TENM3: variants seen among roughly 807,000 people sequenced by gnomAD.
TENM3 encodes teneurin transmembrane protein 3, also known as teneurin-3.
A neutral mutation model predicts 255.1 loss-of-function variants in TENM3; 63 were observed. That is an observed-to-expected ratio of 0.25 (90% CI 0.20 to 0.30). The LOEUF (loss-of-function observed/expected upper bound fraction) is 0.30. Among genes scored for constraint, TENM3 ranks in the 10% least tolerant of loss-of-function variants. TENM3 has a pLI of 1.00. For missense variants in TENM3, 2,929 were observed against 3,461.1 expected (o/e 0.85, Z 3.86); for synonymous variants, 1,306 against 1,322.3 (o/e 0.99, Z 0.27).
chr4:181,849,859 C>T, the TENM3 span, among the ~76,000 whole-genome samples: 1 of 151,728 alleles, frequency 6.6e-6, no homozygotes, highest in South Asian at 2.1e-4. Flanking sequence ...AAGAGGAAGG[C>T]GGATTAGCTA....
the TENM3 span, among the ~76,000 whole-genome samples, chr4:182,046,101 G>A: frequency 6.6e-6 from 1 of 151,990 alleles, no homozygotes; most frequent in African/African-American, 2.4e-5. Context: ...ATTTCCTAGG[G>A]TATTATACAG....
intron 1 of TENM3, among the ~76,000 whole-genome samples, chr4:182,174,231 A>G (rs960118025): frequency 1.3e-5 from 2 of 152,066 alleles, no homozygotes; most frequent in African/African-American, 4.8e-5. Context: ...TCTAAGAGTA[A>G]GAATTATTTC....
chr4:182,576,727 T>C (rs1744956641), intron 3 of TENM3, among the ~76,000 whole-genome samples: 1 of 152,130 alleles, frequency 6.6e-6, no homozygotes, highest in Non-Finnish European at 1.5e-5. Flanking sequence ...TACAATACTA[T>C]AAATCTCTAC....
At chr4:182,501,216 C>T (rs1736282456) in intron 3 of TENM3, among the ~76,000 whole-genome samples, 1 of 152,082 alleles carries the variant, frequency 6.6e-6, no homozygotes, top group African/African-American at 2.4e-5. Flanking sequence ...ACAGCGGCAC[C>T]TTCTGTGTTC....
At chr4:181,468,120 A>C in the TENM3 span, among the ~76,000 whole-genome samples, 2 of 98,746 alleles carry the variant, frequency 2.0e-5, no homozygotes. Flanking sequence ...TCACAGGGAG[A>C]CCCCATCTGT....
chr4:182,641,606 C>A (rs918849966), intron 5 of TENM3, among the ~76,000 whole-genome samples: 4 of 151,728 alleles, frequency 2.6e-5, no homozygotes, highest in African/African-American at 9.7e-5. Context: ...CAGCTCACTG[C>A]AACCTCCACC....
chr4:181,483,297 T>C, the TENM3 span, among the ~76,000 whole-genome samples: 1 of 152,266 alleles, frequency 6.6e-6, no homozygotes, highest in South Asian at 2.1e-4. Flanking sequence ...GTGACACTTC[T>C]CTGGTGAGAG....
chr4:182,048,857 C>T, the TENM3 span, among the ~76,000 whole-genome samples: 7 of 152,122 alleles, frequency 4.6e-5, no homozygotes, highest in Non-Finnish European at 8.8e-5. Flanking sequence ...TATTCCTGAA[C>T]ACTTAAGAGT....
At chr4:182,441,637 A>G (rs549212771) in intron 3 of TENM3, among the ~76,000 whole-genome samples, 11 of 152,284 alleles carry the variant, frequency 7.2e-5, no homozygotes, top group African/African-American at 2.6e-4. Context: ...AGCTGGGACT[A>G]CAGGCACGTG....
chr4:182,443,291 A>G (rs1212899768), intron 3 of TENM3, among the ~76,000 whole-genome samples: 1 of 152,132 alleles, frequency 6.6e-6, no homozygotes, highest in Admixed American at 6.5e-5. Context: ...CCTAGGAATT[A>G]GTGTGTCTGC....
chr4:181,501,390 T>C, the TENM3 span, among the ~76,000 whole-genome samples: 1 of 151,802 alleles, frequency 6.6e-6, no homozygotes, highest in Non-Finnish European at 1.5e-5. Flanking sequence ...TTTTGTTTTT[T>C]TTTTTTAAGA....
chr4:182,515,890 G>A (rs1737887367), intron 3 of TENM3, among the ~76,000 whole-genome samples: 1 of 152,156 alleles, frequency 6.6e-6, no homozygotes, highest in Admixed American at 6.5e-5. Flanking sequence ...AGAAAACCTT[G>A]TGATTCCACA....
At chr4:181,701,120 C>T in the TENM3 span, among the ~76,000 whole-genome samples, 6 of 152,088 alleles carry the variant, frequency 3.9e-5, no homozygotes, top group East Asian at 3.9e-4. Flanking sequence ...GCTAATCTTC[C>T]GGGCACTTAG....
chr4:181,577,767 T>C, the TENM3 span, among the ~76,000 whole-genome samples: 1 of 150,346 alleles, frequency 6.7e-6, no homozygotes, highest in Non-Finnish European at 1.5e-5. Context: ...TTTTAATACA[T>C]GAGAGTTCTT....
At position 182,259,333 on chromosome 4, in the gene TENM3, T is replaced by A. The variant is rs142330093; in HGVS notation, c.-76+15857T>A. Among the ~76,000 whole-genome samples, 90 of 152,278 alleles carry A rather than the reference T, an allele frequency of 5.9e-4. 1 individual carries two copies. In the East Asian group the frequency reaches 0.016, roughly 28 times the overall value. ...TTTATTATGTATTTATTTATTTAGA[T>A]ACAGGGTCTTGCTCTGTCATCCAGG... is the stretch of plus-strand genomic sequence containing the variant. On this transcript the variant is annotated intron_variant, in intron 1 of 27. Coordinates refer to ENST00000511685, the MANE Select transcript of TENM3 (RefSeq NM_001080477.4).
chr4:181,576,534 C>T, the TENM3 span, among the ~76,000 whole-genome samples: 1 of 152,114 alleles, frequency 6.6e-6, no homozygotes, highest in African/African-American at 2.4e-5. Context: ...AATTTACATT[C>T]CACCAGCAGT....
chr4:181,455,026 C>T, the TENM3 span, among the ~76,000 whole-genome samples: 14 of 152,060 alleles, frequency 9.2e-5, no homozygotes, highest in African/African-American at 1.7e-4. Context: ...CCTCCAGACA[C>T]GGAACAAGTA....
chr4:181,480,395 C>G, the TENM3 span, among the ~76,000 whole-genome samples: 190 of 152,052 alleles, frequency 1.2e-3, no homozygotes, highest in Non-Finnish European at 2.2e-3. Context: ...TAAAATCAAC[C>G]ATTAAATTGA....
At chr4:182,751,763 A>C in intron 19 of TENM3, 37 bp from the exon 20 acceptor site, 3 of 1,458,704 alleles carry the variant, frequency 2.1e-6, no homozygotes, top group Non-Finnish European at 2.9e-6. Context: ...TATTAGGAGT[A>C]ACTCCCTTTG....
Sources: gnomAD v4.1 joint callset for allele counts (sites outside exome capture counted in the v4.1 genomes callset) on GRCh38, gnomAD v4.1.1 for gene constraint, MANE v1.5 for transcripts, NCBI Gene and HGNC (gene_info 2026-07-23, HGNC 2026-07-21) for gene names.